Variants in TULP4 observed in about 807,000 individuals in gnomAD.
TULP4 encodes the protein tubby-related protein 4.
A neutral mutation model predicts 129.0 loss-of-function variants in TULP4; 16 were observed. The ratio of observed to expected loss-of-function variants is 0.12; its 90% CI spans 0.08 to 0.19. The LOEUF is 0.19. TULP4 is among the 10% of genes least tolerant of loss of function. The pLI is 1.00. For missense variants in TULP4, 1,842 were observed against 2,059.1 expected (o/e 0.89, Z 2.04); for synonymous variants, 998 against 854.0 (o/e 1.17, Z -2.94).
intron 3 of TULP4, among the ~76,000 whole-genome samples, chr6:158,444,045 C>T (rs544906011): frequency 6.6e-6 from 1 of 151,342 alleles, no homozygotes; most frequent in East Asian, 1.9e-4. Context: ...CGGTGAAACC[C>T]CGTCTCTACT....
At chr6:158,257,070 C>T (rs1323723292) in intron 1 of TULP4, among the ~76,000 whole-genome samples, 4 of 152,084 alleles carry the variant, frequency 2.6e-5, no homozygotes, top group Non-Finnish European at 2.9e-5. Context: ...ATGTTAAGAC[C>T]GTGCTGATCA....
upstream of TULP4, among the ~76,000 whole-genome samples, chr6:158,280,419 G>A (rs797015264): frequency 1.3e-5 from 2 of 152,038 alleles, no homozygotes; most frequent in African/African-American, 4.8e-5. Context: ...TTTTATTAGC[G>A]TTTTGGTACA....
At chr6:158,317,271 C>T (rs1055750020) in intron 1 of TULP4, among the ~76,000 whole-genome samples, 2 of 151,996 alleles carry the variant, frequency 1.3e-5, no homozygotes, top group African/African-American at 2.4e-5. Context: ...CACCCATTAA[C>T]TCATCATTTA....
chr6:158,441,646 C>G (rs1417505802), intron 3 of TULP4, among the ~76,000 whole-genome samples: 5 of 152,218 alleles, frequency 3.3e-5, no homozygotes, highest in Non-Finnish European at 7.3e-5. Flanking sequence ...TGTTCACCAC[C>G]AGGACAAAGG....
At chr6:158,423,151 G>T (rs964621456) in intron 2 of TULP4, among the ~76,000 whole-genome samples, 2 of 151,276 alleles carry the variant, frequency 1.3e-5, no homozygotes, top group Non-Finnish European at 2.9e-5. Context: ...AACCTTCCCA[G>T]GACCCCTTTT....
intron 8 of TULP4, among the ~76,000 whole-genome samples, chr6:158,488,948 G>T (rs1259926572): frequency 1.3e-5 from 2 of 152,142 alleles, no homozygotes; most frequent in Non-Finnish European, 2.9e-5. Flanking sequence ...CTGCCTGAAG[G>T]CCCCATGCGG....
chr6:158,397,085 G>A (rs1393172650), intron 1 of TULP4, among the ~76,000 whole-genome samples: 1 of 152,200 alleles, frequency 6.6e-6, no homozygotes, highest in Non-Finnish European at 1.5e-5. Context: ...CAGGTAGTGA[G>A]CAACCAGAGG....
intron 1 of TULP4, among the ~76,000 whole-genome samples, chr6:158,306,427 A>T (rs1418315): frequency 1.2e-4 from 18 of 152,174 alleles, no homozygotes; most frequent in Non-Finnish European, 2.2e-4. Context: ...GCATGGCGGC[A>T]TGCGCCTGTA....
intron 6 of TULP4, among the ~76,000 whole-genome samples, chr6:158,469,468 C>T (rs886467115): frequency 4.0e-5 from 6 of 151,866 alleles, no homozygotes; most frequent in Non-Finnish European, 8.8e-5. Context: ...GAGACAGCGT[C>T]TCACCATGTT....
At chr6:158,390,413 CATT>C (rs1328330921) in intron 1 of TULP4, among the ~76,000 whole-genome samples, 1 of 151,312 alleles carries the variant, frequency 6.6e-6, no homozygotes, top group African/African-American at 2.4e-5. Flanking sequence ...ATGGATATAT[CATT>C]ATTTAATTAT....
At chr6:158,235,759 C>T (rs958250653) in intron 1 of TULP4, among the ~76,000 whole-genome samples, 2 of 152,222 alleles carry the variant, frequency 1.3e-5, no homozygotes, top group African/African-American at 4.8e-5. Context: ...TGTGGTACTT[C>T]ATGATGATCA....
At chr6:158,233,421 G>A (rs1365075591) in intron 1 of TULP4, among the ~76,000 whole-genome samples, 2 of 152,236 alleles carry the variant, frequency 1.3e-5, no homozygotes, top group African/African-American at 4.8e-5. Context: ...GTAAAAACCC[G>A]TTGCAGGTGT....
intron 1 of TULP4, among the ~76,000 whole-genome samples, chr6:158,375,463 A>C (rs1397753330): frequency 6.6e-6 from 1 of 152,188 alleles, no homozygotes; most frequent in Non-Finnish European, 1.5e-5. Flanking sequence ...ACACAGTTCC[A>C]GTGTAACCAG....
intron 3 of TULP4, among the ~76,000 whole-genome samples, 168 bp downstream of exon 3, chr6:158,430,065 C>T (rs341101): frequency 0.24 from 36,490 of 151,988 alleles, 5,617 homozygotes; most frequent in Non-Finnish European, 0.34. Context: ...CTAAATGAAC[C>T]ATAAATTGGA....
intron 1 of TULP4, among the ~76,000 whole-genome samples, chr6:158,262,405 G>A (rs940193522): frequency 1.3e-5 from 2 of 152,102 alleles, no homozygotes; most frequent in Non-Finnish European, 2.9e-5. Flanking sequence ...CTGGGAGAGC[G>A]TGTGAATCAG....
intron 5 of TULP4, among the ~76,000 whole-genome samples, chr6:158,456,098 C>T (rs1307500732): frequency 3.3e-5 from 5 of 152,096 alleles, no homozygotes; most frequent in Non-Finnish European, 7.4e-5. Context: ...TGAATGGATC[C>T]AGGAGGTAGA....
intron 10 of TULP4, among the ~76,000 whole-genome samples, chr6:158,494,253 A>C (rs17504333): frequency 0.041 from 6,248 of 152,252 alleles, 164 homozygotes; most frequent in South Asian, 0.076. Flanking sequence ...GATCATTACA[A>C]GCTTTATCTC....
intron 1 of TULP4, among the ~76,000 whole-genome samples, chr6:158,388,457 G>GGCC (rs1777507506): frequency 6.7e-6 from 1 of 149,780 alleles, no homozygotes; most frequent in Non-Finnish European, 1.5e-5. Flanking sequence ...AGCTTCCTGA[G>GGCC]TAGCTGAGAC....
chr6:158,366,243 G>C (rs774257559), intron 1 of TULP4, among the ~76,000 whole-genome samples: 1 of 152,088 alleles, frequency 6.6e-6, no homozygotes, highest in African/African-American at 2.4e-5. Context: ...CAAGCTTTGG[G>C]CTTTTAGTTT....
Sources: allele counts gnomAD v4.1 joint callset (sites outside exome capture counted in the v4.1 genomes callset), GRCh38; gene constraint gnomAD v4.1.1; transcripts MANE v1.5; gene names NCBI Gene and HGNC (gene_info 2026-07-23, HGNC 2026-07-21).